CD46: variants seen among roughly 807,000 people sequenced by gnomAD.
The protein encoded by CD46 is membrane cofactor protein.
CD46 carries 30 observed loss-of-function variants against 53.3 expected under a neutral mutation model. The ratio of observed to expected loss-of-function variants is 0.56; its 90% CI spans 0.42 to 0.76. The LOEUF is 0.76. CD46 is among the 30% of genes least tolerant of loss of function. CD46 has a pLI of 0.00. For synonymous variants in CD46, 142 were observed against 152.0 expected (o/e 0.93, Z 0.48); for missense variants, 409 against 463.0 (o/e 0.88, Z 1.07).
chr1:207,775,456 A>G (rs1343083238), intron 8 of CD46, among the ~76,000 whole-genome samples: 1 of 152,184 alleles, frequency 6.6e-6, no homozygotes, highest in East Asian at 1.9e-4. Context: ...GAGAAGAGGC[A>G]GTCTGTTTTT....
rs1420887927 is a variant in CD46, at chr1:207,757,588, C to T, written c.335C>T (p.Pro112Leu). Residue 112 changes from proline (P) to leucine (L), a missense_variant, in exon 3 of 13, where the codon CCT (proline) becomes CTT (leucine). By Grantham distance (98) the Pro-to-Leu change is moderately conservative. Coordinates refer to ENST00000367042, the MANE Select transcript of CD46 (RefSeq NM_172351.3). ...GATCCTTTAAATGGCCAAGCAGTCC[C>T]TGCAAATGGGACTTACGAGTTTGGT... The part of the protein sequence containing the change: ...IRDPLNGQAV[P>L]ANGTYEFGYQ... 1.9e-6 allele frequency: 3 copies of T among 1,611,798 alleles called. No individual in the cohort carries two copies. The African/African-American group carries it at 4.0e-5, about 22-fold the overall frequency.
rs772135875 is a variant in CD46, at chr1:207,761,259, T to A, written c.486T>A (p.Cys162Ter). 6.2e-7 allele frequency: 1 copy of A among 1,605,880 alleles called. No homozygotes were observed. The highest frequency in any genetic ancestry group is 1.3e-5 in the African/African-American group (1 of 74,904). Reference protein sequence around the residue: ...GKPPICEKVLCTPPPKIKNGK... With the variant: ...GKPPICEKVL ...TTCTTCATTTTTAAGAGGTTTTGTG[T>A]ACACCACCTCCAAAAATAAAAAATG... Residue 162 changes from cysteine (C) to a stop codon, truncating the protein, a stop_gained, in exon 5 of 13, where the codon TGT (cysteine) becomes TGA (stop). Coordinates refer to ENST00000367042, the MANE Select transcript of CD46 (RefSeq NM_172351.3). LOFTEE classifies it high-confidence loss of function.
At chr1:207,760,086 C>A in intron 4 of CD46, 1 of 203,244 alleles carries the variant, frequency 4.9e-6, no homozygotes, top group South Asian at 7.9e-5. Flanking sequence ...CCATGATGCC[C>A]AGGCTGGTCT....
rs566466653 is a variant in CD46, at chr1:207,772,272, AGTT to A, written c.943+1914_943+1916del. Among the ~76,000 whole-genome samples, 518 of 152,334 alleles carry A rather than the reference AGTT, an allele frequency of 3.4e-3. 3 individuals are homozygous for A. The highest frequency in any genetic ancestry group is 0.012 in the African/African-American group (490 of 41,574). On this transcript the variant is annotated intron_variant, in intron 8 of 12. Transcript: ENST00000367042. ...ATTTTGTATCCTGAGACTTCGCTGAAGTTGTTTATCAGCTTGTGGAGATTTTGG... is the reference window on the plus strand; with the variant it reads ...ATTTTGTATCCTGAGACTTCGCTGAAGTTTATCAGCTTGTGGAGATTTTGG...
intron 3 of CD46, among the ~76,000 whole-genome samples, chr1:207,758,884 C>T (rs1397039987): frequency 6.6e-6 from 1 of 152,016 alleles, no homozygotes; most frequent in Admixed American, 6.6e-5. Context: ...ATAATATATA[C>T]TGAGAGCAAT....
chr1:207,783,610 C>T (rs931037033), intron 9 of CD46: 23 of 262,050 alleles, frequency 8.8e-5, no homozygotes, highest in Middle Eastern at 1.2e-3. Context: ...TTCTGTAACA[C>T]GCTGATTTAA....
At chr1:207,764,121 C>G (rs186204744) in intron 5 of CD46, among the ~76,000 whole-genome samples, 13 of 152,272 alleles carry the variant, frequency 8.5e-5, no homozygotes, top group African/African-American at 3.1e-4. Context: ...GACCTCAGAT[C>G]CCCTCAGGTG....
chr1:207,775,590 G>C (rs1294377486), intron 8 of CD46, among the ~76,000 whole-genome samples: 1 of 152,108 alleles, frequency 6.6e-6, no homozygotes, highest in Non-Finnish European at 1.5e-5. Flanking sequence ...CTTTCTGTTT[G>C]TGTGTTTTCC....
intron 8 of CD46, among the ~76,000 whole-genome samples, chr1:207,776,956 T>A (rs747449068): frequency 7.9e-5 from 12 of 152,218 alleles, no homozygotes; most frequent in African/African-American, 9.6e-5. Context: ...TCTTTAATTA[T>A]CAGTGAATCT....
At chr1:207,779,414 ACT>A (rs1422833880) in intron 8 of CD46, among the ~76,000 whole-genome samples, 2 of 151,696 alleles carry the variant, frequency 1.3e-5, no homozygotes, top group African/African-American at 4.8e-5. Context: ...TTCCACTTAC[ACT>A]CTTAGATTGT....
intron 10 of CD46, among the ~76,000 whole-genome samples, chr1:207,785,410 G>C (rs1395188681): frequency 2.0e-5 from 3 of 152,160 alleles, no homozygotes; most frequent in Non-Finnish European, 1.5e-5. Flanking sequence ...ATTAAGCAAG[G>C]ACTTTTCTCT....
At chr1:207,790,380 T>G in intron 12 of CD46, 35 bp downstream of exon 12, 1 of 1,090,698 alleles carries the variant, frequency 9.2e-7, no homozygotes, top group Non-Finnish European at 1.4e-6. Flanking sequence ...TCAGATGTCC[T>G]TTCTTTTGAA....
intron 8 of CD46, among the ~76,000 whole-genome samples, chr1:207,773,859 A>G (rs1273098327): frequency 2.0e-5 from 3 of 152,152 alleles, no homozygotes; most frequent in Non-Finnish European, 2.9e-5. Context: ...TGTATATTCT[A>G]TTCATTTGGG....
chr1:207,783,305 T>C lies in CD46; in HGVS notation c.957T>C (p.Pro319=). 2 of 1,520,794 alleles carry C rather than the reference T, an allele frequency of 1.3e-6. No individual in the cohort carries two copies. Among genetic ancestry groups the C allele is most frequent in the Non-Finnish European group, 1.8e-6 (2 of 1,096,166 alleles). 94.2% of individuals were successfully genotyped at this position (1,520,794 alleles called of 1,614,324 possible). Residue 319 remains proline, a synonymous_variant, in exon 9 of 13, where the codon CCT becomes CCC. Coordinates refer to ENST00000367042, the MANE Select transcript of CD46 (RefSeq NM_172351.3). ...CTTTTTTCCTAGGATATCCTAAACC[T>C]GAGGAAGGAATACTTGACAGTTTGG... ...PVSNYPGYPK[P]EEGILDSLDV...
rs182221194 is a variant in CD46, at chr1:207,779,741, C to A, written c.944-3551C>A. 1.4e-3 allele frequency among the ~76,000 whole-genome samples: 217 copies of A among 152,050 alleles called. 1 individual carries two copies. Among genetic ancestry groups the A allele is most frequent in the African/African-American group, 5.0e-3 (207 of 41,510 alleles). On this transcript the variant is annotated intron_variant, in intron 8 of 12. Transcript: ENST00000367042. ...TGAGATATATGGTTCCACCTCGCCC[C>A]ACCCCAGCAACCACCATCCAATAGC...
At chr1:207,786,576 T>C (rs1659293627) in intron 11 of CD46, among the ~76,000 whole-genome samples, 2 of 152,202 alleles carry the variant, frequency 1.3e-5, no homozygotes, top group Admixed American at 6.5e-5. Flanking sequence ...TTAAAAACTG[T>C]TTTCCCCTAT....
chr1:207,779,932 TACTGTAGTACTATA>T (rs1658559671), intron 8 of CD46, among the ~76,000 whole-genome samples: 26 of 143,306 alleles, frequency 1.8e-4, no homozygotes, highest in South Asian at 4.4e-4. Context: ...TTTTTTTTTT[TACTGTAGTACTATA>T]TGTTTTAATA....
At chr1:207,769,922 T>C (rs1657289497) in intron 7 of CD46, 2 of 200,292 alleles carry the variant, frequency 1.0e-5, no homozygotes, top group Non-Finnish European at 2.1e-5. Flanking sequence ...CCCACCACTA[T>C]GCCGGCTAAT....
intron 8 of CD46, among the ~76,000 whole-genome samples, chr1:207,773,336 A>C (rs1657726275): frequency 6.6e-6 from 1 of 152,118 alleles, no homozygotes; most frequent in East Asian, 1.9e-4. Flanking sequence ...TGATCTTTTC[A>C]AAAAACCAGC....
Sources: gnomAD v4.1 joint callset for allele counts (sites outside exome capture counted in the v4.1 genomes callset) on GRCh38, gnomAD v4.1.1 for gene constraint, MANE v1.5 for transcripts, NCBI Gene and HGNC (gene_info 2026-07-23, HGNC 2026-07-21) for gene names.